The following TBC1D22B variants were observed in gnomAD, a reference collection of about 807,000 sequenced individuals.
TBC1D22B encodes chromosome 6 open reading frame 197.
In TBC1D22B, 32 loss-of-function variants were observed where a neutral mutation model predicts 69.1. The ratio of observed to expected loss-of-function variants is 0.46; its 90% CI spans 0.35 to 0.62. The LOEUF (loss-of-function observed/expected upper bound fraction) is 0.62, where lower values mean the gene tolerates loss of function less well. Ranked by LOEUF, TBC1D22B falls within the 20% of genes least tolerant of loss-of-function variation. TBC1D22B has a pLI of 0.00. For missense variants in TBC1D22B, 462 were observed against 630.9 expected (o/e 0.73, Z 2.87); for synonymous variants, 206 against 229.8 (o/e 0.90, Z 0.94).
chr6:37,271,346 C>T (rs554839467), intron 2 of TBC1D22B, among the ~76,000 whole-genome samples: 64 of 152,132 alleles, frequency 4.2e-4, no homozygotes, highest in African/African-American at 1.5e-3. Flanking sequence ...AAACAAAAAA[C>T]GGTGGATACG....
chr6:37,306,801 T>C (rs1227582501), intron 8 of TBC1D22B, among the ~76,000 whole-genome samples: 1 of 152,222 alleles, frequency 6.6e-6, no homozygotes, highest in Non-Finnish European at 1.5e-5. Context: ...ACCACCCTGA[T>C]TGACAGGCAC....
At chr6:37,267,096 T>C (rs1368078161) in intron 1 of TBC1D22B, among the ~76,000 whole-genome samples, 3 of 150,774 alleles carry the variant, frequency 2.0e-5, no homozygotes, top group Non-Finnish European at 3.0e-5. Context: ...ACCACCACAG[T>C]TGGCTAATTT....
At chr6:37,311,563 C>T (rs913108851) in intron 8 of TBC1D22B, among the ~76,000 whole-genome samples, 4 of 151,938 alleles carry the variant, frequency 2.6e-5, no homozygotes, top group Non-Finnish European at 4.4e-5. Context: ...GTCCCAGCTA[C>T]TTGGGAGGCT....
intron 2 of TBC1D22B, among the ~76,000 whole-genome samples, chr6:37,273,532 G>C (rs989215003): frequency 6.6e-6 from 1 of 152,172 alleles, no homozygotes; most frequent in Admixed American, 6.5e-5. Flanking sequence ...ATCCCAAACT[G>C]CCAAGGCAAA....
At chr6:37,304,530 A>T (rs1479061369) in intron 8 of TBC1D22B, among the ~76,000 whole-genome samples, 2 of 152,176 alleles carry the variant, frequency 1.3e-5, no homozygotes, top group East Asian at 1.9e-4. Context: ...GATACCAAAA[A>T]ATATATATAT....
chr6:37,317,490 T>C (rs536753862), intron 12 of TBC1D22B, among the ~76,000 whole-genome samples: 1 of 152,268 alleles, frequency 6.6e-6, no homozygotes, highest in African/African-American at 2.4e-5. Context: ...ATTGAATGCT[T>C]GCTACATGCC....
At chr6:37,296,772 A>G (rs150287971) in intron 8 of TBC1D22B, among the ~76,000 whole-genome samples, 1,835 of 152,166 alleles carry the variant, frequency 0.012, 31 homozygotes, top group Middle Eastern at 0.044. Context: ...TCTGAAAAGT[A>G]TATATGTATA....
chr6:37,269,663 AT>A lies in TBC1D22B; in HGVS notation c.113+17del. The A allele has an allele frequency of 6.2e-7, 1 of 1,613,898 alleles. No homozygotes were observed. The highest frequency in any genetic ancestry group is 8.5e-7 in the Non-Finnish European group (1 of 1,179,874). On this transcript the variant is annotated intron_variant, in intron 2 of 12. Coordinates refer to ENST00000373491, the MANE Select transcript of TBC1D22B (RefSeq NM_017772.4). ...GGCTCACCAAAAAGTAAGTCAAGAC[AT>A]TTTCGTTTTATCTATCTACTGCTGT...
At chr6:37,291,046 G>T (rs1261275625) in intron 7 of TBC1D22B, among the ~76,000 whole-genome samples, 197 bp from the exon 8 acceptor site, 1 of 152,148 alleles carries the variant, frequency 6.6e-6, no homozygotes, top group East Asian at 1.9e-4. Flanking sequence ...AGGGCAAGAA[G>T]TATCTACCCC....
chr6:37,315,818 G>A (rs1030851500), intron 10 of TBC1D22B, among the ~76,000 whole-genome samples: 2 of 152,042 alleles, frequency 1.3e-5, no homozygotes, highest in African/African-American at 2.4e-5. Context: ...TCAACACTCC[G>A]CCCACCTCGG....
chr6:37,291,145 A>G, intron 7 of TBC1D22B, 98 bp from the exon 8 acceptor site: 2 of 871,238 alleles, frequency 2.3e-6, no homozygotes, highest in South Asian at 2.9e-5. Context: ...TAAAAATTCT[A>G]CACCAACCTG....
chr6:37,293,497 A>AT (rs1169666250), intron 8 of TBC1D22B, among the ~76,000 whole-genome samples: 2 of 152,278 alleles, frequency 1.3e-5, no homozygotes, highest in East Asian at 3.9e-4. Context: ...AACTTAATTT[A>AT]TAAGTGTTGT....
chr6:37,327,340 T>C lies in TBC1D22B; in HGVS notation c.1390-3704T>C, dbSNP rs1178808569. Among the ~76,000 whole-genome samples the C allele has an allele frequency of 9.1e-5, 12 of 132,524 alleles. 1 individual carries two copies. Among genetic ancestry groups the C allele is most frequent in the South Asian group, 2.4e-4 (1 of 4,224 alleles). The allele number at this position is 132,524 out of a possible 152,430, so 86.9% of individuals were successfully genotyped here. On this transcript the variant is annotated intron_variant, in intron 12 of 12. Transcript: ENST00000373491. Reference sequence around the variant, plus strand: ...AAAAATGCAAAAAATTAGCCGGGCGTGGTGGTGGGCGCCTGTAGTCCCAGC... The same window carrying C: ...AAAAATGCAAAAAATTAGCCGGGCGCGGTGGTGGGCGCCTGTAGTCCCAGC...
chr6:37,314,005 C>T (rs1033431222), intron 10 of TBC1D22B, 114 bp downstream of exon 10: 48 of 938,000 alleles, frequency 5.1e-5, no homozygotes, highest in Middle Eastern at 2.3e-4. Context: ...CCCTTTCCAG[C>T]GCACTGAGTG....
At chr6:37,271,454 A>G (rs1210743730) in intron 2 of TBC1D22B, among the ~76,000 whole-genome samples, 1 of 152,268 alleles carries the variant, frequency 6.6e-6, no homozygotes, top group Non-Finnish European at 1.5e-5. Context: ...GTGTAGGTTC[A>G]TCACTTGTAA....
At chr6:37,268,851 A>T (rs12665012) in intron 1 of TBC1D22B, among the ~76,000 whole-genome samples, 61 of 152,258 alleles carry the variant, frequency 4.0e-4, no homozygotes, top group African/African-American at 1.4e-3. Context: ...ATCCATCCAC[A>T]TTGTTACTTG....
intron 2 of TBC1D22B, among the ~76,000 whole-genome samples, chr6:37,275,282 G>A (rs1002558346): frequency 6.6e-6 from 1 of 152,110 alleles, no homozygotes; most frequent in Non-Finnish European, 1.5e-5. Context: ...CTTCTTTCCT[G>A]TCTACTCAGA....
intron 9 of TBC1D22B, 33 bp downstream of exon 9, chr6:37,313,057 T>C (rs1358071436): frequency 1.3e-6 from 2 of 1,571,604 alleles, no homozygotes; most frequent in African/African-American, 2.7e-5. Context: ...GGAACAAACG[T>C]CTAGGTCCAG....
chr6:37,289,343 C>T (rs550179853), intron 7 of TBC1D22B, among the ~76,000 whole-genome samples: 1 of 152,224 alleles, frequency 6.6e-6, no homozygotes, highest in Admixed American at 6.5e-5. Context: ...AGACCTCCAG[C>T]GGTTCTCCTA....
Sources: allele counts gnomAD v4.1 joint callset (sites outside exome capture counted in the v4.1 genomes callset), GRCh38; gene constraint gnomAD v4.1.1; transcripts MANE v1.5; gene names NCBI Gene and HGNC (gene_info 2026-07-23, HGNC 2026-07-21).